ERG: variants seen among roughly 807,000 people sequenced by gnomAD.
The protein encoded by ERG is ETS transcription factor ERG, also known as transcriptional regulator ERG.
A neutral mutation model predicts 55.3 loss-of-function variants in ERG; 9 were observed. The ratio of observed to expected loss-of-function variants is 0.16; its 90% CI spans 0.10 to 0.28. The LOEUF is 0.28. Among genes scored for constraint, ERG ranks in the 10% least tolerant of loss-of-function variants. The pLI, the probability that ERG is intolerant of heterozygous loss-of-function variation, is 1.00. For missense variants in ERG, 434 were observed against 631.6 expected (o/e 0.69, Z 3.35); for synonymous variants, 223 against 237.3 (o/e 0.94, Z 0.55).
At chr21:38,544,970 C>T (rs1025147520) in intron 2 of ERG, among the ~76,000 whole-genome samples, 4 of 152,152 alleles carry the variant, frequency 2.6e-5, no homozygotes, top group African/African-American at 7.2e-5. Flanking sequence ...AGCTTCTACC[C>T]GCTCTTGGTC....
At chr21:38,513,058 G>A (rs1039697024) in intron 2 of ERG, among the ~76,000 whole-genome samples, 1 of 151,812 alleles carries the variant, frequency 6.6e-6, no homozygotes, top group Non-Finnish European at 1.5e-5. Flanking sequence ...TTGAACCAGG[G>A]AGTCGGAGGG....
chr21:38,571,775 A>G (rs2059959419), intron 2 of ERG, among the ~76,000 whole-genome samples: 1 of 152,168 alleles, frequency 6.6e-6, no homozygotes, highest in Non-Finnish European at 1.5e-5. Flanking sequence ...TTAAACATAT[A>G]AAAGGATAAA....
At chr21:38,571,576 C>T (rs1217574112) in intron 2 of ERG, among the ~76,000 whole-genome samples, 2 of 151,706 alleles carry the variant, frequency 1.3e-5, no homozygotes, top group Non-Finnish European at 2.9e-5. Flanking sequence ...GAACGGCCTG[C>T]AAAGAAAGGG....
At chr21:38,401,977 T>C (rs533352155) in intron 5 of ERG, among the ~76,000 whole-genome samples, 1 of 152,220 alleles carries the variant, frequency 6.6e-6, no homozygotes, top group East Asian at 1.9e-4. Context: ...TAATTTCATA[T>C]TCTCCAAAAT....
At chr21:38,643,405 G>A (rs1029546108) in intron 1 of ERG, among the ~76,000 whole-genome samples, 2 of 152,128 alleles carry the variant, frequency 1.3e-5, no homozygotes, top group African/African-American at 4.8e-5. Flanking sequence ...TCGCTCATAG[G>A]ACACACAGGC....
At chr21:38,562,904 T>C (rs989624465) in intron 2 of ERG, among the ~76,000 whole-genome samples, 1 of 152,300 alleles carries the variant, frequency 6.6e-6, no homozygotes. Context: ...AGAAAATATA[T>C]AGTATTCACC....
At chr21:38,555,102 G>A (rs576266578) in intron 2 of ERG, among the ~76,000 whole-genome samples, 4 of 152,138 alleles carry the variant, frequency 2.6e-5, no homozygotes, top group East Asian at 1.9e-4. Context: ...TGAGGCGGGC[G>A]GATTACCTGA....
chr21:38,424,848 C>T (rs1197806266), intron 2 of ERG, among the ~76,000 whole-genome samples: 1 of 152,076 alleles, frequency 6.6e-6, no homozygotes, highest in East Asian at 1.9e-4. Context: ...CTCCAGCAGT[C>T]CTAGAGGACC....
At chr21:38,537,593 T>C (rs531436065) in intron 2 of ERG, among the ~76,000 whole-genome samples, 2 of 152,240 alleles carry the variant, frequency 1.3e-5, no homozygotes, top group South Asian at 2.1e-4. Context: ...TCACTAATCA[T>C]TGGGAAAATG....
At chr21:38,451,813 C>T (rs2058944506) in intron 1 of ERG, among the ~76,000 whole-genome samples, 1 of 152,158 alleles carries the variant, frequency 6.6e-6, no homozygotes, top group Admixed American at 6.5e-5. Context: ...CTGATGCCAC[C>T]AGTATCTCAT....
chr21:38,521,017 T>G (rs1247958831), intron 2 of ERG, among the ~76,000 whole-genome samples: 1 of 152,070 alleles, frequency 6.6e-6, no homozygotes, highest in Non-Finnish European at 1.5e-5. Flanking sequence ...CATTTCTTAG[T>G]GGGGAGAAGT....
chr21:38,493,188 T>G (rs1469408295), intron 1 of ERG, among the ~76,000 whole-genome samples: 1 of 152,176 alleles, frequency 6.6e-6, no homozygotes, highest in South Asian at 2.1e-4. Context: ...TTCAAAAAAT[T>G]AAATAGATGG....
rs572272866 is a variant in ERG at position 38,481,949 on chromosome 21, C to T, written c.18+16414G>A. Among the ~76,000 whole-genome samples, 3 of 152,284 alleles carry T rather than the reference C, an allele frequency of 2.0e-5. No homozygotes were observed. In the South Asian group the frequency reaches 6.2e-4, roughly 32 times the overall value. ...TTGTCAAAGTTGAATATTTCAATGA[C>T]CCAATGCAAATCCTGGATAAATGCT... On this transcript the variant is annotated intron_variant, in intron 1 of 9. Coordinates refer to ENST00000288319, the MANE Select transcript of ERG (RefSeq NM_182918.4).
Position 38,383,150 on chromosome 21 carries a change from ACT to A in ERG, c.*251_*252del, listed in dbSNP as rs1987523813. The A allele has an allele frequency of 2.5e-6, 3 of 1,211,970 alleles. No homozygotes were observed. The highest frequency in any genetic ancestry group is 3.1e-6 in the Non-Finnish European group (3 of 973,500). The allele number at this position is 1,211,970 out of a possible 1,614,324, so 75.1% of individuals were successfully genotyped here. On this transcript the variant is annotated 3_prime_UTR_variant, in exon 10 of 10. Coordinates refer to ENST00000288319, the MANE Select transcript of ERG (RefSeq NM_182918.4). The surrounding 1 kb of genome is among the most constrained non-coding windows in gnomAD (Gnocchi z 5.7). Reference sequence around the variant, plus strand: ...CTTAAGACTTCATGCTTCTACATACACTGTCTTTTACAAGGTCAGTCCACAGA... The same window carrying A: ...CTTAAGACTTCATGCTTCTACATACAGTCTTTTACAAGGTCAGTCCACAGA...
intron 3 of ERG, among the ~76,000 whole-genome samples, chr21:38,410,480 T>C (rs1432161000): frequency 6.6e-6 from 1 of 152,230 alleles, no homozygotes; most frequent in East Asian, 1.9e-4. Flanking sequence ...CTTTGGTAAA[T>C]TGGAATTTAA....
At chr21:38,593,510 G>A (rs568635267) in intron 1 of ERG, among the ~76,000 whole-genome samples, 15 of 152,228 alleles carry the variant, frequency 9.9e-5, no homozygotes, top group Non-Finnish European at 1.6e-4. Flanking sequence ...CTGTTTTAGA[G>A]GCAAATTTGA....
rs374997405 is a variant in ERG at position 38,491,254 on chromosome 21, G to A, written c.18+7109C>T. Among the ~76,000 whole-genome samples the A allele has an allele frequency of 3.4e-4, 51 of 151,194 alleles. 1 individual carries two copies. Among genetic ancestry groups the A allele is most frequent in the African/African-American group, 1.2e-3 (48 of 41,224 alleles). On this transcript the variant is annotated intron_variant, in intron 1 of 9. Coordinates refer to ENST00000288319, the MANE Select transcript of ERG (RefSeq NM_182918.4). ...AATAAAACCCGATGAAACCCAAAGAGCATGGAGATGAGAAACTCACTGCTG... is the reference window on the plus strand; with the variant it reads ...AATAAAACCCGATGAAACCCAAAGAACATGGAGATGAGAAACTCACTGCTG...
chr21:38,603,996 C>T (rs1352274315), intron 1 of ERG, among the ~76,000 whole-genome samples: 1 of 152,062 alleles, frequency 6.6e-6, no homozygotes, highest in Non-Finnish European at 1.5e-5. Flanking sequence ...CGCCTGTAAT[C>T]CCAGCCCTTC....
At chr21:38,652,061 C>A (rs531025458) in intron 1 of ERG, among the ~76,000 whole-genome samples, 1 of 152,228 alleles carries the variant, frequency 6.6e-6, no homozygotes, top group African/African-American at 2.4e-5. Flanking sequence ...TGTAAGACTG[C>A]TTTCTTCCCT....
Sources: gnomAD v4.1 joint callset for allele counts (sites outside exome capture counted in the v4.1 genomes callset) on GRCh38, gnomAD v4.1.1 for gene constraint, Gnocchi (gnomAD v3.1) non-coding constraint, MANE v1.5 for transcripts, NCBI Gene and HGNC (gene_info 2026-07-23, HGNC 2026-07-21) for gene names.